PARN: variants seen among roughly 807,000 people sequenced by gnomAD.
The protein encoded by PARN is poly(A)-specific ribonuclease.
A neutral mutation model predicts 102.8 loss-of-function variants in PARN; 71 were observed. The ratio of observed to expected loss-of-function variants is 0.69; its 90% confidence interval spans 0.57 to 0.84. The LOEUF is 0.84. Ranked by LOEUF, PARN falls within the 40% of genes least tolerant of loss-of-function variation. PARN has a pLI of 0.00. For synonymous variants in PARN, 261 were observed against 252.9 expected (o/e 1.03, Z -0.30); for missense variants, 782 against 760.9 (o/e 1.03, Z -0.33).
At chr16:14,629,885 GC>G (rs1289510660) in intron 1 of PARN, among the ~76,000 whole-genome samples, 2 of 152,230 alleles carry the variant, frequency 1.3e-5, no homozygotes, top group African/African-American at 2.4e-5. Flanking sequence ...GAAGGACAAG[GC>G]CCCGGATGGT....
chr16:14,462,713 T>C (rs1383339657), intron 22 of PARN, among the ~76,000 whole-genome samples: 1 of 152,054 alleles, frequency 6.6e-6, no homozygotes, highest in African/African-American at 2.4e-5. Context: ...TGAATAAAAC[T>C]GACATTAGAT....
chr16:14,520,383 T>C, intron 21 of PARN, among the ~76,000 whole-genome samples: 1 of 152,172 alleles, frequency 6.6e-6, no homozygotes, highest in Non-Finnish European at 1.5e-5. Flanking sequence ...TTTTAAGATA[T>C]TAATGATTTA....
At chr16:14,496,226 T>A (rs1319900794) in intron 21 of PARN, among the ~76,000 whole-genome samples, 1 of 152,204 alleles carries the variant, frequency 6.6e-6, no homozygotes, top group Admixed American at 6.5e-5. Flanking sequence ...ATGCTTCTGA[T>A]GACAACTTTA....
At chr16:14,488,676 T>C (rs1294875827) in intron 21 of PARN, among the ~76,000 whole-genome samples, 6 of 152,290 alleles carry the variant, frequency 3.9e-5, no homozygotes, top group South Asian at 2.1e-4. Flanking sequence ...CATGATTCTA[T>C]ACCTACTGCG....
chr16:14,448,022 T>TC (rs1221688618), intron 22 of PARN, among the ~76,000 whole-genome samples: 2 of 152,176 alleles, frequency 1.3e-5, no homozygotes, highest in African/African-American at 4.8e-5. Flanking sequence ...TCTTGCTCTG[T>TC]CACCTAGGCT....
chr16:14,531,326 C>T (rs1199533471), intron 21 of PARN, among the ~76,000 whole-genome samples: 1 of 151,464 alleles, frequency 6.6e-6, no homozygotes, highest in East Asian at 1.9e-4. Flanking sequence ...CACACCACCG[C>T]ACTCCAGCCT....
At chr16:14,446,846 A>G (rs1961220897) in intron 23 of PARN, 42 bp downstream of exon 23, 3 of 1,438,144 alleles carry the variant, frequency 2.1e-6, no homozygotes, top group Non-Finnish European at 2.9e-6. Context: ...GAGCATTTAA[A>G]TAGTCCACGG....
intron 21 of PARN, among the ~76,000 whole-genome samples, chr16:14,488,142 G>C (rs1035740951): frequency 2.6e-5 from 4 of 151,996 alleles, no homozygotes; most frequent in Non-Finnish European, 5.9e-5. Flanking sequence ...ATTTTTGACA[G>C]AACTGCCTGG....
rs762444193 is a variant in PARN at position 14,446,924 on chromosome 16, T to G, written c.1828A>C (p.Lys610Gln). The change falls in exon 23 of 24, where the codon AAA (lysine) becomes CAA (glutamine). Residue 610 changes from lysine (K) to glutamine (Q), a missense_variant. Physicochemically the swap from Lys to Gln is moderately conservative, Grantham distance 53. Transcript: ENST00000437198. ...AGCTCCTTCTTCATTCTTTTTAATT[T>G]CTTGGCCTTTTTCCTTCCCTCTGAG... Reference protein sequence around the residue: ...PLSEGRKKAKKLKRMKKELSP... With the variant: ...PLSEGRKKAKQLKRMKKELSP... The G allele has an allele frequency of 1.2e-6, 2 of 1,613,434 alleles. No individual in the cohort carries two copies. The highest frequency in any genetic ancestry group is 1.7e-6 in the Non-Finnish European group (2 of 1,179,700).
intron 21 of PARN, among the ~76,000 whole-genome samples, chr16:14,525,277 G>A (rs1161580301): frequency 6.6e-6 from 1 of 152,124 alleles, no homozygotes; most frequent in Non-Finnish European, 1.5e-5. Flanking sequence ...TGAAAGATAA[G>A]GATGTCTCTG....
chr16:14,604,282 C>T, intron 10 of PARN, 56 bp from the exon 11 acceptor site: 1 of 1,109,582 alleles, frequency 9.0e-7, no homozygotes, highest in Non-Finnish European at 1.3e-6. Flanking sequence ...TTTTTTGAGA[C>T]AGAGTTTCGC....
intron 21 of PARN, among the ~76,000 whole-genome samples, chr16:14,499,393 G>T (rs1442962889): frequency 2.0e-5 from 3 of 152,170 alleles, no homozygotes; most frequent in Non-Finnish European, 4.4e-5. Flanking sequence ...CAGGGAGAGC[G>T]AACTTTTCCC....
intron 13 of PARN, among the ~76,000 whole-genome samples, chr16:14,591,731 G>A (rs899386066): frequency 3.3e-5 from 5 of 151,970 alleles, no homozygotes; most frequent in Admixed American, 1.3e-4. Flanking sequence ...AAATAAGGCC[G>A]CTTGCAACAA....
At chr16:14,512,212 A>T (rs1567335769) in intron 21 of PARN, among the ~76,000 whole-genome samples, 3 of 152,158 alleles carry the variant, frequency 2.0e-5, no homozygotes, top group African/African-American at 7.2e-5. Flanking sequence ...TGTATTAATA[A>T]TCGTCCTGGC....
At chr16:14,540,154 A>G (rs1354680298) in intron 21 of PARN, among the ~76,000 whole-genome samples, 4 of 152,206 alleles carry the variant, frequency 2.6e-5, no homozygotes, top group African/African-American at 4.8e-5. Context: ...CATAAAAATC[A>G]TATATCCTCC....
chr16:14,473,474 G>A (rs1962864417), intron 22 of PARN, among the ~76,000 whole-genome samples: 1 of 152,196 alleles, frequency 6.6e-6, no homozygotes. Context: ...CAAGGGATAA[G>A]CAAATTGTAA....
chr16:14,587,633 C>T (rs141099103), intron 13 of PARN, among the ~76,000 whole-genome samples: 2 of 152,294 alleles, frequency 1.3e-5, no homozygotes, highest in East Asian at 3.9e-4. Context: ...CACACCCAGC[C>T]TTCTAATTTA....
intron 13 of PARN, among the ~76,000 whole-genome samples, chr16:14,589,681 C>G (rs946901037): frequency 6.6e-6 from 1 of 151,972 alleles, no homozygotes; most frequent in Non-Finnish European, 1.5e-5. Flanking sequence ...GCCTGGCCAA[C>G]ATGGCGAAAT....
intron 14 of PARN, 70 bp downstream of exon 14, chr16:14,586,248 A>T (rs1275178292): frequency 2.4e-6 from 2 of 847,194 alleles, no homozygotes; most frequent in East Asian, 5.3e-5. Context: ...AAGTGGTGGG[A>T]TTATAGGTGT....
Sources: allele counts gnomAD v4.1 joint callset (sites outside exome capture counted in the v4.1 genomes callset), GRCh38; gene constraint gnomAD v4.1.1; transcripts MANE v1.5; gene names NCBI Gene and HGNC (gene_info 2026-07-23, HGNC 2026-07-21).